Variants in RGS6 observed in about 807,000 individuals in gnomAD.
The protein encoded by RGS6 is regulator of G-protein signaling 6.
In RGS6, 30 loss-of-function variants were observed where a neutral mutation model predicts 78.5. The ratio of observed to expected loss-of-function variants is 0.38; its 90% CI spans 0.29 to 0.52. RGS6 has a LOEUF of 0.52. Ranked by LOEUF, RGS6 falls within the 20% of genes least tolerant of loss-of-function variation. The pLI, the probability that RGS6 is intolerant of heterozygous loss-of-function variation, is 0.85. For synonymous variants in RGS6, 206 were observed against 206.0 expected, an observed-to-expected ratio of 1.00 and a Z score of 0.00; for missense variants, 495 against 609.7, an observed-to-expected ratio of 0.81 and a Z score of 1.98.
intron 2 of RGS6, among the ~76,000 whole-genome samples, chr14:72,140,419 G>A (rs1358264327): frequency 1.3e-5 from 2 of 152,192 alleles, no homozygotes; most frequent in African/African-American, 4.8e-5. Flanking sequence ...GTGTGCCATT[G>A]AGATGGAATT....
intron 2 of RGS6, among the ~76,000 whole-genome samples, chr14:72,199,325 A>T (rs1390636750): frequency 6.6e-6 from 1 of 152,188 alleles, no homozygotes; most frequent in African/African-American, 2.4e-5. Context: ...TAGTTTTTAC[A>T]CTTATGTTGG....
intron 2 of RGS6, among the ~76,000 whole-genome samples, chr14:72,326,386 G>A (rs535323918): frequency 1.1e-4 from 16 of 152,232 alleles, no homozygotes; most frequent in South Asian, 2.1e-4. Flanking sequence ...TTGTCCCTGC[G>A]CAAATCACAT....
intron 2 of RGS6, among the ~76,000 whole-genome samples, chr14:71,979,006 C>T (rs995121045): frequency 6.0e-5 from 9 of 150,098 alleles, no homozygotes; most frequent in East Asian, 2.0e-4. Flanking sequence ...GTGTATGTGT[C>T]GAGGAATTTA....
chr14:72,620,540 C>T, the RGS6 span, among the ~76,000 whole-genome samples: 2 of 152,152 alleles, frequency 1.3e-5, no homozygotes, highest in Non-Finnish European at 2.9e-5. Flanking sequence ...GGCTGGAGCC[C>T]GGGTGAGAGC....
chr14:72,189,491 G>C (rs547036145), intron 2 of RGS6, among the ~76,000 whole-genome samples: 5 of 152,234 alleles, frequency 3.3e-5, no homozygotes, highest in Non-Finnish European at 7.3e-5. Context: ...GACTGTGTCA[G>C]ATATTCAGGC....
chr14:72,450,433 T>C (rs2095465704), intron 3 of RGS6, among the ~76,000 whole-genome samples: 1 of 152,176 alleles, frequency 6.6e-6, no homozygotes, highest in African/African-American at 2.4e-5. Flanking sequence ...TTAAATATAC[T>C]AATAAAACAC....
At chr14:72,448,623 C>T (rs547339268) in intron 3 of RGS6, among the ~76,000 whole-genome samples, 1 of 152,150 alleles carries the variant, frequency 6.6e-6, no homozygotes, top group African/African-American at 2.4e-5. Flanking sequence ...CAGGATTATT[C>T]CAGAGCCTGG....
At chr14:72,527,011 C>T (rs2097128317) in intron 15 of RGS6, among the ~76,000 whole-genome samples, 1 of 152,200 alleles carries the variant, frequency 6.6e-6, no homozygotes, top group Admixed American at 6.5e-5. Flanking sequence ...TTATGACTTC[C>T]TAAGGGCCCA....
intron 2 of RGS6, among the ~76,000 whole-genome samples, chr14:72,232,459 C>G (rs2049893395): frequency 6.6e-6 from 1 of 151,732 alleles, no homozygotes; most frequent in Non-Finnish European, 1.5e-5. Flanking sequence ...ATCCACGTAA[C>G]TCAGTCTCTT....
chr14:72,601,238 C>T, the RGS6 span, among the ~76,000 whole-genome samples: 1 of 152,184 alleles, frequency 6.6e-6, no homozygotes, highest in Non-Finnish European at 1.5e-5. Context: ...TTAACCTTGG[C>T]CCAGCCTGGC....
chr14:72,491,121 A>G (rs1464059949), intron 12 of RGS6, among the ~76,000 whole-genome samples: 8 of 152,224 alleles, frequency 5.3e-5, no homozygotes, highest in Non-Finnish European at 2.9e-5. Flanking sequence ...AGTAGTAGGA[A>G]TTGTGGCTCT....
At chr14:72,017,299 T>G (rs1431953570) in intron 2 of RGS6, among the ~76,000 whole-genome samples, 1 of 152,222 alleles carries the variant, frequency 6.6e-6, no homozygotes, top group Non-Finnish European at 1.5e-5. Context: ...ATGTTATTTT[T>G]GTATATCTTG....
intron 15 of RGS6, among the ~76,000 whole-genome samples, chr14:72,526,207 C>T (rs1271225775): frequency 1.3e-5 from 2 of 151,906 alleles, no homozygotes; most frequent in Non-Finnish European, 2.9e-5. Context: ...GGGTTCACGC[C>T]ATTCTCTTGC....
intron 1 of RGS6, among the ~76,000 whole-genome samples, chr14:71,964,319 C>G (rs909689088): frequency 1.3e-5 from 2 of 152,074 alleles, no homozygotes; most frequent in Non-Finnish European, 2.9e-5. Context: ...CCAGCCTGAC[C>G]AACATGGAGA....
chr14:72,058,300 A>G (rs1471513429), intron 2 of RGS6, among the ~76,000 whole-genome samples: 1 of 152,120 alleles, frequency 6.6e-6, no homozygotes, highest in Non-Finnish European at 1.5e-5. Context: ...GTTTTCTTTA[A>G]TGGGAGTATA....
At chr14:71,913,292 T>C in the RGS6 span, among the ~76,000 whole-genome samples, 2 of 152,364 alleles carry the variant, frequency 1.3e-5, no homozygotes, top group East Asian at 3.9e-4. Flanking sequence ...TTGCTCAATA[T>C]GTGTAAGGCT....
intron 1 of RGS6, among the ~76,000 whole-genome samples, chr14:71,947,285 G>A (rs1467106933): frequency 6.6e-6 from 1 of 152,108 alleles, no homozygotes; most frequent in East Asian, 1.9e-4. Flanking sequence ...TGACTGATCA[G>A]GAAGTCCTCA....
chr14:72,016,978 ATTTT>A (rs1019374732), intron 2 of RGS6, among the ~76,000 whole-genome samples: 8 of 151,988 alleles, frequency 5.3e-5, no homozygotes, highest in African/African-American at 1.9e-4. Context: ...GAATTTTGTA[ATTTT>A]TGCCATACTT....
intron 2 of RGS6, among the ~76,000 whole-genome samples, chr14:72,247,508 C>G (rs2054528836): frequency 6.6e-6 from 1 of 152,208 alleles, no homozygotes; most frequent in Non-Finnish European, 1.5e-5. Context: ...TTTAGGCATT[C>G]ACTCCAGAGG....
Sources: allele counts gnomAD v4.1 joint callset (sites outside exome capture counted in the v4.1 genomes callset), GRCh38; gene constraint gnomAD v4.1.1; transcripts MANE v1.5; gene names NCBI Gene and HGNC (gene_info 2026-07-23, HGNC 2026-07-21).